The following FEZ1 variants were observed in gnomAD, a reference collection of about 807,000 sequenced individuals.
The protein encoded by FEZ1 is fasciculation and elongation protein zeta 1.
FEZ1 carries 20 observed loss-of-function variants against 49.3 expected under a neutral mutation model. The observed-to-expected ratio is 0.41, with a 90% confidence interval of 0.29 to 0.59. FEZ1 has a LOEUF of 0.59. Among genes scored for constraint, FEZ1 ranks in the 20% least tolerant of loss-of-function variants. FEZ1 has a pLI of 0.36. For missense variants in FEZ1, 413 were observed against 476.0 expected, an observed-to-expected ratio of 0.87 and a Z score of 1.23; for synonymous variants, 170 against 180.9, an observed-to-expected ratio of 0.94 and a Z score of 0.48.
At chr11:125,496,004 C>G (rs1957466547) in intron 1 of FEZ1, 117 bp downstream of exon 1, 1 of 190,882 alleles carries the variant, frequency 5.2e-6, no homozygotes, top group African/African-American at 2.4e-5. Flanking sequence ...GTGAGGGGAG[C>G]TGCGGCGACC....
chr11:125,447,125 C>G (rs1956906082), intron 9 of FEZ1, among the ~76,000 whole-genome samples: 3 of 152,174 alleles, frequency 2.0e-5, no homozygotes. Flanking sequence ...GAAAGACAAT[C>G]AGACAATATA....
At chr11:125,466,505 G>T (rs1253335697) in intron 3 of FEZ1, among the ~76,000 whole-genome samples, 1 of 151,890 alleles carries the variant, frequency 6.6e-6, no homozygotes, top group East Asian at 1.9e-4. Flanking sequence ...AAAACACCTT[G>T]CTAGCTGTTT....
chr11:125,487,835 A>T (rs1565304524), intron 2 of FEZ1, among the ~76,000 whole-genome samples: 1 of 152,234 alleles, frequency 6.6e-6, no homozygotes, highest in Non-Finnish European at 1.5e-5. Flanking sequence ...GTAAGAGTGA[A>T]TCAGACAGAT....
chr11:125,472,258 C>A (rs1268162429), intron 3 of FEZ1, among the ~76,000 whole-genome samples: 1 of 151,392 alleles, frequency 6.6e-6, no homozygotes, highest in Non-Finnish European at 1.5e-5. Context: ...GAGAGGGAAT[C>A]AATAAACTAA....
intron 2 of FEZ1, among the ~76,000 whole-genome samples, chr11:125,485,102 C>T (rs187449422): frequency 1.9e-4 from 29 of 152,320 alleles, no homozygotes; most frequent in Non-Finnish European, 3.5e-4. Context: ...ACTTTGAAAG[C>T]TATCTCCTCT....
chr11:125,475,198 A>T (rs968265187), intron 3 of FEZ1, among the ~76,000 whole-genome samples: 2 of 151,418 alleles, frequency 1.3e-5, no homozygotes, highest in Non-Finnish European at 2.9e-5. Flanking sequence ...TGAGTCCGGG[A>T]GGTGGAGGTT....
rs1956869299 is a variant in FEZ1, at chr11:125,442,909, TA to T, written c.*3185del. 6.6e-6 allele frequency among the ~76,000 whole-genome samples: 1 copy of T among 151,942 alleles called. No individual in the cohort carries two copies. Among genetic ancestry groups the T allele is most frequent in the South Asian group, 2.1e-4 (1 of 4,802 alleles). On this transcript the variant is annotated 3_prime_UTR_variant, in exon 10 of 10. Coordinates refer to ENST00000278919, the MANE Select transcript of FEZ1 (RefSeq NM_005103.5). ...CACCACTACAGCTGGCTAATTTTTGTATTTTCAGTAGAGAGGGGGTTTCACC... is the reference window on the plus strand; with the variant it reads ...CACCACTACAGCTGGCTAATTTTTGTTTTTCAGTAGAGAGGGGGTTTCACC...
chr11:125,474,051 G>C (rs1957206371), intron 3 of FEZ1, among the ~76,000 whole-genome samples: 1 of 150,662 alleles, frequency 6.6e-6, no homozygotes, highest in Non-Finnish European at 1.5e-5. Context: ...TTGAGATGGA[G>C]TCTCACTCTG....
chr11:125,475,275 TACACACACACACACACAC>T (rs67243081), intron 3 of FEZ1, among the ~76,000 whole-genome samples: 1 of 141,706 alleles, frequency 7.1e-6, no homozygotes, highest in Middle Eastern at 3.3e-3. Flanking sequence ...GTCTCAAAAA[TACACACACACACACACAC>T]ACACACACAC....
chr11:125,458,245 C>T (rs1407532550), intron 5 of FEZ1, among the ~76,000 whole-genome samples: 5 of 152,224 alleles, frequency 3.3e-5, no homozygotes, highest in Non-Finnish European at 7.3e-5. Context: ...CCTTCTCCCT[C>T]CCCTGTTTCT....
rs1565306734 is a variant in FEZ1 at position 125,493,371 on chromosome 11, AAAGAAAGAAAGAAAG to A, written c.-46+2735_-46+2749del. Among the ~76,000 whole-genome samples, 24 of 38,520 alleles carry A rather than the reference AAAGAAAGAAAGAAAG, an allele frequency of 6.2e-4. 1 individual carries two copies. The highest frequency in any genetic ancestry group is 1.7e-3 in the African/African-American group (16 of 9,400). 25.3% of individuals were successfully genotyped at this position (38,520 alleles called of 152,430 possible). On this transcript the variant is annotated intron_variant, in intron 1 of 9. Coordinates refer to ENST00000278919, the MANE Select transcript of FEZ1 (RefSeq NM_005103.5). ...AAAGAAAGAAAGAGAGAAAAGAAAGAAAGAAAGAAAGAAAGAAAGAAAGAAAGAAAGAAAGAAAGA... is the reference window on the plus strand; with the variant it reads ...AAAGAAAGAAAGAGAGAAAAGAAAGAAAAGAAAGAAAGAAAGAAAGAAAGA...
At chr11:125,493,360 AGAAAAGAAAGAAAG>A (rs1957403285) in intron 1 of FEZ1, among the ~76,000 whole-genome samples, 8 of 103,906 alleles carry the variant, frequency 7.7e-5, no homozygotes, top group Admixed American at 1.0e-4. Flanking sequence ...AAAGAAAGAG[AGAAAAGAAAGAAAG>A]AAAGAAAGAA....
chr11:125,476,726 G>A (rs1957237004), intron 3 of FEZ1, among the ~76,000 whole-genome samples: 1 of 152,174 alleles, frequency 6.6e-6, no homozygotes, highest in African/African-American at 2.4e-5. Flanking sequence ...GAACAGATTT[G>A]GGGTTTCTCA....
At chr11:125,493,518 G>GAAAT (rs1482943542) in intron 1 of FEZ1, among the ~76,000 whole-genome samples, 1 of 148,850 alleles carries the variant, frequency 6.7e-6, no homozygotes, top group Non-Finnish European at 1.5e-5. Flanking sequence ...GAGAAAGAAA[G>GAAAT]AAAGAAAGAA....
At chr11:125,465,662 G>A (rs1282979686) in intron 3 of FEZ1, among the ~76,000 whole-genome samples, 1 of 152,154 alleles carries the variant, frequency 6.6e-6, no homozygotes, top group Non-Finnish European at 1.5e-5. Context: ...AAAAGGAGAG[G>A]CAGACATAAA....
intron 2 of FEZ1, among the ~76,000 whole-genome samples, chr11:125,487,109 T>G (rs754187766): frequency 1.3e-5 from 2 of 152,172 alleles, no homozygotes; most frequent in Non-Finnish European, 2.9e-5. Flanking sequence ...GTGATGGTAA[T>G]TAACATTGAG....
chr11:125,475,838 G>A (rs1242402583), intron 3 of FEZ1, among the ~76,000 whole-genome samples: 2 of 151,858 alleles, frequency 1.3e-5, no homozygotes, highest in African/African-American at 2.4e-5. Context: ...TTCACACAAA[G>A]ACCTACAGAA....
At position 125,472,010 on chromosome 11, in the gene FEZ1, A is replaced by C. The variant is rs549122116; in HGVS notation, c.412-8440T>G. 5.9e-5 allele frequency among the ~76,000 whole-genome samples: 9 copies of C among 152,242 alleles called. No homozygotes were observed. In the East Asian group the frequency reaches 1.7e-3, roughly 29 times the overall value. ...AAATTCAGCAGCAAACTGCCAAATA[A>C]CCTATGGGTTAAAGAAGAAATTGCA... is the stretch of plus-strand genomic sequence containing the variant. On this transcript the variant is annotated intron_variant, in intron 3 of 9. Transcript: ENST00000278919.
chr11:125,455,763 G>T, intron 6 of FEZ1, 72 bp downstream of exon 6: 2 of 1,494,008 alleles, frequency 1.3e-6, no homozygotes, highest in African/African-American at 1.4e-5. Context: ...CCCCTGCAGG[G>T]TTGGTAGGGC....
Sources: allele counts gnomAD v4.1 joint callset (sites outside exome capture counted in the v4.1 genomes callset), GRCh38; gene constraint gnomAD v4.1.1; transcripts MANE v1.5; gene names NCBI Gene and HGNC (gene_info 2026-07-23, HGNC 2026-07-21).